Variants in FRMD4B observed in about 807,000 individuals in gnomAD.
FRMD4B encodes the protein FERM domain containing 4B.
Under a neutral mutation model 141.5 loss-of-function variants are expected in FRMD4B, and 74 were observed. The observed-to-expected ratio is 0.52, with a 90% confidence interval of 0.43 to 0.63. The LOEUF (loss-of-function observed/expected upper bound fraction) is 0.63. FRMD4B is among the 30% of genes least tolerant of loss of function. FRMD4B has a pLI of 0.00. For missense variants in FRMD4B, 1,366 were observed against 1,253.4 expected, an observed-to-expected ratio of 1.09 and a Z score of -1.36; for synonymous variants, 506 against 467.9, an observed-to-expected ratio of 1.08 and a Z score of -1.05.
chr3:69,203,341 A>AAAAAAAAAAAAAG (rs1553700373), intron 11 of FRMD4B, among the ~76,000 whole-genome samples: 28 of 76,940 alleles, frequency 3.6e-4, no homozygotes, highest in Non-Finnish European at 5.4e-4. Context: ...AAAAAAAAAA[A>AAAAAAAAAAAAAG]AAAGAAAGAA....
chr3:69,509,133 C>T (rs572214105), intron 1 of FRMD4B, among the ~76,000 whole-genome samples: 2 of 152,282 alleles, frequency 1.3e-5, no homozygotes, highest in Non-Finnish European at 2.9e-5. Flanking sequence ...TACATTTGAG[C>T]AGCCCTGCTC....
chr3:69,484,515 G>C (rs376105894), intron 1 of FRMD4B, among the ~76,000 whole-genome samples: 1 of 152,170 alleles, frequency 6.6e-6, no homozygotes, highest in East Asian at 1.9e-4. Context: ...GATTTATTAA[G>C]TGTTAGAATA....
chr3:69,480,573 G>T (rs58268314), intron 1 of FRMD4B, among the ~76,000 whole-genome samples: 20,578 of 152,048 alleles, frequency 0.14, 1,449 homozygotes, highest in South Asian at 0.19. Flanking sequence ...TGGAAGTTTT[G>T]TCTCAGAGGA....
chr3:69,308,236 G>A (rs558030860), intron 3 of FRMD4B, among the ~76,000 whole-genome samples: 1 of 152,220 alleles, frequency 6.6e-6, no homozygotes, highest in East Asian at 1.9e-4. Context: ...TATTACAGGT[G>A]CCTTATGTAG....
At chr3:69,241,293 G>A (rs985245682) in intron 7 of FRMD4B, among the ~76,000 whole-genome samples, 4 of 152,202 alleles carry the variant, frequency 2.6e-5, no homozygotes, top group Admixed American at 6.5e-5. Flanking sequence ...ATAGAGTAGA[G>A]TGTGTGGTCC....
intron 7 of FRMD4B, among the ~76,000 whole-genome samples, chr3:69,235,060 G>A (rs1441226169): frequency 6.6e-6 from 1 of 151,680 alleles, no homozygotes; most frequent in Non-Finnish European, 1.5e-5. Flanking sequence ...TGAGGCAGGA[G>A]AATTGCTTGA....
intron 1 of FRMD4B, among the ~76,000 whole-genome samples, chr3:69,338,753 G>C (rs901790810): frequency 6.6e-6 from 1 of 151,964 alleles, no homozygotes; most frequent in Non-Finnish European, 1.5e-5. Context: ...TATTACCTGA[G>C]TAACAAAATA....
chr3:69,338,667 C>T (rs959589662), intron 1 of FRMD4B, among the ~76,000 whole-genome samples: 10 of 152,088 alleles, frequency 6.6e-5, no homozygotes, highest in Non-Finnish European at 1.0e-4. Context: ...GAACAACAGA[C>T]ACCGAGGCCT....
At chr3:69,528,309 TTC>T (rs887288165) in intron 1 of FRMD4B, among the ~76,000 whole-genome samples, 4 of 144,026 alleles carry the variant, frequency 2.8e-5, no homozygotes, top group Non-Finnish European at 5.9e-5. Flanking sequence ...CTTCCTTCCT[TTC>T]TCTCTCTTTC....
At chr3:69,454,703 A>G (rs1705559739) in intron 1 of FRMD4B, among the ~76,000 whole-genome samples, 1 of 152,168 alleles carries the variant, frequency 6.6e-6, no homozygotes. Context: ...GCAGCCCACC[A>G]TGCCTGAGCC....
Position 69,482,791 on chromosome 3 carries a change from T to C in FRMD4B, c.-128-50030A>G, listed in dbSNP as rs35184367. Reference sequence around the variant, plus strand: ...TGACCTCGGGTGACCCCCATAGGGGTGCCTAAATAACATCGCATCCCAGGG... The same window carrying C: ...TGACCTCGGGTGACCCCCATAGGGGCGCCTAAATAACATCGCATCCCAGGG... On this transcript the variant is annotated intron_variant, in intron 1 of 5. Transcript: ENST00000459638. Among the ~76,000 whole-genome samples the C allele has an allele frequency of 2.7e-3, 406 of 152,298 alleles. 5 individuals are homozygous for C. Among genetic ancestry groups the C allele is most frequent in the African/African-American group, 9.5e-3 (394 of 41,554 alleles).
chr3:69,183,551 T>C (rs1440770525), intron 19 of FRMD4B, among the ~76,000 whole-genome samples: 2 of 150,510 alleles, frequency 1.3e-5, no homozygotes, highest in Middle Eastern at 3.5e-3. Flanking sequence ...GGTGTGATTT[T>C]GGCTCACTGC....
At chr3:69,504,659 C>A (rs1706565343) in intron 1 of FRMD4B, among the ~76,000 whole-genome samples, 1 of 152,168 alleles carries the variant, frequency 6.6e-6, no homozygotes, top group African/African-American at 2.4e-5. Context: ...CTTTTTATTG[C>A]TGAATATTCC....
At chr3:69,525,646 A>T (rs1487484747) in intron 1 of FRMD4B, among the ~76,000 whole-genome samples, 2 of 151,838 alleles carry the variant, frequency 1.3e-5, no homozygotes, top group Non-Finnish European at 2.9e-5. Context: ...TATTGTCTCT[A>T]ATCTTTTTTT....
intron 1 of FRMD4B, among the ~76,000 whole-genome samples, chr3:69,528,748 C>G (rs1297775395): frequency 3.3e-5 from 5 of 151,610 alleles, no homozygotes; most frequent in Non-Finnish European, 7.4e-5. Flanking sequence ...AGAGGTCATC[C>G]CAGGAAACAA....
At chr3:69,220,110 G>C (rs901742439) in intron 9 of FRMD4B, among the ~76,000 whole-genome samples, 14 of 152,164 alleles carry the variant, frequency 9.2e-5, no homozygotes, top group African/African-American at 2.7e-4. Context: ...GATACATTCT[G>C]AGAATTGTGT....
At chr3:69,528,897 C>T (rs1700973180) in intron 1 of FRMD4B, among the ~76,000 whole-genome samples, 2 of 152,034 alleles carry the variant, frequency 1.3e-5, no homozygotes, top group Non-Finnish European at 2.9e-5. Context: ...AATATACACC[C>T]CTTAGTTTCA....
At chr3:69,373,634 A>G (rs962103039) in intron 1 of FRMD4B, among the ~76,000 whole-genome samples, 2 of 152,148 alleles carry the variant, frequency 1.3e-5, no homozygotes, top group Non-Finnish European at 2.9e-5. Context: ...GCACTTTGAG[A>G]GGCTGAGGTG....
chr3:69,224,078 TGTAA>T (rs1244769188), intron 8 of FRMD4B, among the ~76,000 whole-genome samples: 2 of 152,248 alleles, frequency 1.3e-5, no homozygotes, highest in East Asian at 3.9e-4. Context: ...TTAACAAGAA[TGTAA>T]GTATTTTAAG....
Sources: allele counts gnomAD v4.1 joint callset (sites outside exome capture counted in the v4.1 genomes callset), GRCh38; gene constraint gnomAD v4.1.1; transcripts MANE v1.5; gene names NCBI Gene and HGNC (gene_info 2026-07-23, HGNC 2026-07-21).